The following TMEM268 variants were observed in gnomAD, a reference collection of about 807,000 sequenced individuals.
TMEM268 encodes the protein transmembrane protein C9orf91.
Under a neutral mutation model 39.1 loss-of-function variants are expected in TMEM268, and 24 were observed. The ratio of observed to expected loss-of-function variants is 0.61; its 90% CI spans 0.44 to 0.86. The LOEUF (loss-of-function observed/expected upper bound fraction) is 0.86. Among genes scored for constraint, TMEM268 ranks in the 40% least tolerant of loss-of-function variants. TMEM268 has a pLI of 0.00. For synonymous variants in TMEM268, 176 were observed against 173.5 expected (o/e 1.01, Z -0.12); for missense variants, 409 against 428.6 (o/e 0.95, Z 0.40).
At chr9:114,617,027 CT>C in intron 1 of TMEM268, 90 bp from the exon 2 acceptor site, 1 of 525,068 alleles carries the variant, frequency 1.9e-6, no homozygotes, top group Non-Finnish European at 3.4e-6. Flanking sequence ...TCTCCCTGGC[CT>C]TTGGTGACTT....
intron 8 of TMEM268, 49 bp downstream of exon 8, chr9:114,638,775 G>T (rs1352494092): frequency 2.1e-6 from 3 of 1,436,166 alleles, no homozygotes; most frequent in Non-Finnish European, 2.8e-6. Context: ...GGGGGAATTT[G>T]CATAGAGAAA....
At position 114,638,723 on chromosome 9, in the gene TMEM268, G is replaced by T; in HGVS notation, c.846G>T (p.Pro282=). ...ATCAGCTTGTTCCTGAGGCTGAGCC[G>T]GAGGTAACAGGCACTGGGGCTTGTT... The part of the protein sequence containing the change: ...ELHQLVPEAE[P]EEMARQLLAV... Residue 282 remains proline, a synonymous_variant, in exon 8 of 9, where the codon CCG becomes CCT. Transcript: ENST00000288502. The T allele has an allele frequency of 1.3e-6, 2 of 1,572,094 alleles. No homozygotes were observed. The highest frequency in any genetic ancestry group is 1.7e-6 in the Non-Finnish European group (2 of 1,158,980).
chr9:114,633,922 T>C, intron 6 of TMEM268, 44 bp downstream of exon 6: 1 of 1,197,166 alleles, frequency 8.4e-7, no homozygotes, highest in Non-Finnish European at 1.2e-6. Flanking sequence ...CCCAGTTTTA[T>C]GTTGGGCTAA....
At chr9:114,612,820 G>GTCTTT (rs1845558192) in intron 1 of TMEM268, among the ~76,000 whole-genome samples, 1 of 152,210 alleles carries the variant, frequency 6.6e-6, no homozygotes, top group African/African-American at 2.4e-5. Flanking sequence ...CCCTGAGTTT[G>GTCTTT]TCTTTCCTAC....
chr9:114,632,532 T>C (rs934019458), intron 5 of TMEM268, among the ~76,000 whole-genome samples: 9 of 152,152 alleles, frequency 5.9e-5, no homozygotes, highest in Non-Finnish European at 1.3e-4. Flanking sequence ...CCCACCTGTT[T>C]AGCATCCACT....
upstream of TMEM268, among the ~76,000 whole-genome samples, chr9:114,608,915 C>G (rs528687200): frequency 6.6e-6 from 1 of 152,282 alleles, no homozygotes; most frequent in South Asian, 2.1e-4. Context: ...CTGCTCCTGC[C>G]TCCAATCATG....
At chr9:114,613,467 A>G (rs1845585157) in intron 1 of TMEM268, among the ~76,000 whole-genome samples, 1 of 152,184 alleles carries the variant, frequency 6.6e-6, no homozygotes, top group African/African-American at 2.4e-5. Context: ...TCAGAATTAT[A>G]TCTGCCTCAG....
chr9:114,609,052 G>A (rs1845403472), upstream of TMEM268, among the ~76,000 whole-genome samples: 2 of 152,194 alleles, frequency 1.3e-5, no homozygotes, highest in Non-Finnish European at 2.9e-5. Flanking sequence ...GCTTACCCCT[G>A]TAATCCCAGT....
rs558808966 is a variant in TMEM268 at position 114,611,395 on chromosome 9, G to C, written c.-248G>C. 2 of 151,792 alleles carry C rather than the reference G, an allele frequency of 1.3e-5. No individual in the cohort carries two copies. The highest frequency in any genetic ancestry group is 2.9e-5 in the Non-Finnish European group (2 of 67,810). 9.4% of individuals were successfully genotyped at this position (151,792 alleles called of 1,614,324 possible). ...GGCGGCTCCTCGGGGTTGGGCGACC[G>C]AGCGGGGCCGGCCGGGCGGGGGGCG... is the stretch of plus-strand genomic sequence containing the variant. On this transcript the variant is annotated 5_prime_UTR_variant, in exon 1 of 9. Transcript: ENST00000288502.
intron 4 of TMEM268, 81 bp from the exon 5 acceptor site, chr9:114,628,020 C>A (rs7031094): frequency 0.69 from 1,031,958 of 1,496,496 alleles, 359,413 homozygotes; most frequent in Non-Finnish European, 0.72. Flanking sequence ...TCAGTAGTGT[C>A]TGAAAGGTGT....
At chr9:114,639,440 A>G (rs1294271532) in intron 8 of TMEM268, among the ~76,000 whole-genome samples, 1 of 152,052 alleles carries the variant, frequency 6.6e-6, no homozygotes, top group Non-Finnish European at 1.5e-5. Context: ...GCAGCCCCAG[A>G]GTTCTGTTGG....
upstream of TMEM268, among the ~76,000 whole-genome samples, chr9:114,606,750 C>G (rs1228773381): frequency 6.6e-6 from 1 of 151,958 alleles, no homozygotes; most frequent in Non-Finnish European, 1.5e-5. Context: ...ATTACTAATA[C>G]TGCATTCTTT....
intron 2 of TMEM268, among the ~76,000 whole-genome samples, chr9:114,617,512 T>C (rs1310165023): frequency 6.6e-6 from 1 of 152,234 alleles, no homozygotes; most frequent in Non-Finnish European, 1.5e-5. Context: ...GTCTTCTCTT[T>C]TCCATTTATT....
At chr9:114,636,823 G>A (rs12684990) in intron 6 of TMEM268, among the ~76,000 whole-genome samples, 167 bp from the exon 7 acceptor site, 1 of 152,028 alleles carries the variant, frequency 6.6e-6, no homozygotes, top group Non-Finnish European at 1.5e-5. Flanking sequence ...TTTTCTAAAC[G>A]TGCACACAAA....
Position 114,611,403 on chromosome 9 carries a change from C to G in TMEM268, c.-240C>G, listed in dbSNP as rs1589320878. 6.6e-6 allele frequency: 1 copy of G among 151,820 alleles called. No individual in the cohort carries two copies. Among genetic ancestry groups the G allele is most frequent in the East Asian group, 1.9e-4 (1 of 5,140 alleles). 9.4% of individuals were successfully genotyped at this position (151,820 alleles called of 1,614,324 possible). On this transcript the variant is annotated 5_prime_UTR_variant, in exon 1 of 9. Transcript: ENST00000288502. The stretch of plus-strand genomic sequence containing the variant: ...CTCGGGGTTGGGCGACCGAGCGGGG[C>G]CGGCCGGGCGGGGGGCGGGCCCGTG...
chr9:114,633,353 G>C (rs1251253664), intron 5 of TMEM268, among the ~76,000 whole-genome samples: 1 of 151,998 alleles, frequency 6.6e-6, no homozygotes, highest in Non-Finnish European at 1.5e-5. Context: ...GTAGAGAAGG[G>C]GTTTCACCAT....
chr9:114,636,488 T>C (rs1262178204), intron 6 of TMEM268, among the ~76,000 whole-genome samples: 1 of 149,190 alleles, frequency 6.7e-6, no homozygotes, highest in African/African-American at 2.5e-5. Flanking sequence ...GTTTAACTTT[T>C]TCTTTTCTTT....
At chr9:114,640,336 C>T (rs1311179314) in intron 8 of TMEM268, among the ~76,000 whole-genome samples, 1 of 152,074 alleles carries the variant, frequency 6.6e-6, no homozygotes, top group Non-Finnish European at 1.5e-5. Context: ...AAAATATAAT[C>T]GATGCCCAAG....
At chr9:114,629,692 C>T (rs1846307832) in intron 5 of TMEM268, among the ~76,000 whole-genome samples, 1 of 152,184 alleles carries the variant, frequency 6.6e-6, no homozygotes, top group Admixed American at 6.5e-5. Flanking sequence ...GCTCTTGTTC[C>T]TCCATCCCCC....
Sources: allele counts gnomAD v4.1 joint callset (sites outside exome capture counted in the v4.1 genomes callset), GRCh38; gene constraint gnomAD v4.1.1; transcripts MANE v1.5; gene names NCBI Gene and HGNC (gene_info 2026-07-23, HGNC 2026-07-21).